Variants in ALK observed in about 807,000 individuals in gnomAD.
ALK encodes the protein ALK receptor tyrosine kinase.
ALK carries 74 observed loss-of-function variants against 163.1 expected under a neutral mutation model. That is an observed-to-expected ratio of 0.45 (90% CI 0.38 to 0.55). The LOEUF (loss-of-function observed/expected upper bound fraction) is 0.55, where lower values mean the gene tolerates loss of function less well. ALK is among the 20% of genes least tolerant of loss of function. ALK has a pLI of 0.00. For synonymous variants in ALK, 960 were observed against 843.2 expected (o/e 1.14, Z -2.40); for missense variants, 2,063 against 2,105.3 (o/e 0.98, Z 0.39).
intron 3 of ALK, among the ~76,000 whole-genome samples, chr2:29,647,560 T>G (rs1360614487): frequency 6.6e-6 from 1 of 152,132 alleles, no homozygotes; most frequent in African/African-American, 2.4e-5. Flanking sequence ...AGCATCTCTA[T>G]TTGAAGCTCT....
intron 1 of ALK, among the ~76,000 whole-genome samples, chr2:29,795,650 C>T (rs922839716): frequency 6.6e-6 from 1 of 152,102 alleles, no homozygotes; most frequent in Non-Finnish European, 1.5e-5. Flanking sequence ...TATTATGTAA[C>T]TTCCAACAAA....
In ALK at chr2:29,501,897, T is replaced by C. The variant is rs552242680; in HGVS notation, c.1154+30018A>G. ...TGGGTAGCTACCATTCTACTTTCTGTCCATATGGTGCCTCACATGAGTGGA... is the reference window on the plus strand; with the variant it reads ...TGGGTAGCTACCATTCTACTTTCTGCCCATATGGTGCCTCACATGAGTGGA... On this transcript the variant is annotated intron_variant, in intron 4 of 28. Transcript: ENST00000389048. 4.6e-5 allele frequency among the ~76,000 whole-genome samples: 7 copies of C among 152,264 alleles called. No homozygotes were observed. In the East Asian group the frequency reaches 7.7e-4, roughly 17 times the overall value.
intron 4 of ALK, among the ~76,000 whole-genome samples, chr2:29,506,378 G>A (rs1672321593): frequency 6.6e-6 from 1 of 152,180 alleles, no homozygotes; most frequent in Non-Finnish European, 1.5e-5. Context: ...TAGAGAATGA[G>A]ACACTCATGA....
chr2:29,277,236 G>A (rs1665570539), intron 9 of ALK, among the ~76,000 whole-genome samples: 2 of 152,214 alleles, frequency 1.3e-5, no homozygotes, highest in Admixed American at 1.3e-4. Context: ...TTGCAGTGAG[G>A]CAGCAAAGCT....
Position 29,574,546 on chromosome 2 carries a change from A to G in ALK, c.953-42430T>C, listed in dbSNP as rs1193390614. Among the ~76,000 whole-genome samples, 3 of 152,352 alleles carry G rather than the reference A, an allele frequency of 2.0e-5. No individual in the cohort carries two copies. The East Asian group carries it at 5.8e-4, about 29-fold the overall frequency. On this transcript the variant is annotated intron_variant, in intron 3 of 28. Coordinates refer to ENST00000389048, the MANE Select transcript of ALK (RefSeq NM_004304.5). ...GTTGAAATGTCTGAGAAAGACTCAT[A>G]TTTCAGCTTCCAAACAGCATCTCTC...
chr2:29,216,057 G>C (rs1048493534), intron 23 of ALK, among the ~76,000 whole-genome samples: 3 of 152,156 alleles, frequency 2.0e-5, no homozygotes, highest in Admixed American at 6.5e-5. Flanking sequence ...AGGGGCAGAG[G>C]GGGTACCTCT....
chr2:29,579,963 G>A (rs906474075), intron 3 of ALK, among the ~76,000 whole-genome samples: 2 of 151,420 alleles, frequency 1.3e-5, no homozygotes, highest in African/African-American at 4.9e-5. Flanking sequence ...TGCTGGGGTT[G>A]GGCTGAGAGG....
intron 3 of ALK, among the ~76,000 whole-genome samples, chr2:29,651,822 A>C (rs1343373540): frequency 4.6e-5 from 7 of 152,176 alleles, no homozygotes; most frequent in African/African-American, 1.7e-4. Context: ...CTCTCCTTGC[A>C]TTGCAATTGA....
intron 2 of ALK, 73 bp downstream of exon 2, chr2:29,717,505 A>G: frequency 6.3e-7 from 1 of 1,586,306 alleles, no homozygotes; most frequent in Non-Finnish European, 8.7e-7. Flanking sequence ...ATGAATCCCA[A>G]ACTGAAACTC....
intron 5 of ALK, among the ~76,000 whole-genome samples, chr2:29,367,017 C>T (rs763867877): frequency 9.9e-5 from 15 of 152,150 alleles, no homozygotes; most frequent in Non-Finnish European, 1.6e-4. Flanking sequence ...TTTTCAAACA[C>T]GCCGCTTCCC....
intron 3 of ALK, among the ~76,000 whole-genome samples, chr2:29,683,990 T>C (rs999021138): frequency 6.6e-6 from 1 of 152,210 alleles, no homozygotes. Flanking sequence ...GTTGAACCAG[T>C]CTTTCTCTAT....
intron 1 of ALK, among the ~76,000 whole-genome samples, chr2:29,846,541 A>C (rs1665848858): frequency 6.6e-6 from 1 of 152,174 alleles, no homozygotes. Flanking sequence ...GAATGCTCTC[A>C]ATGAGTTCTT....
intron 4 of ALK, among the ~76,000 whole-genome samples, chr2:29,400,456 C>T (rs1669416286): frequency 6.6e-6 from 1 of 152,154 alleles, no homozygotes. Flanking sequence ...GCAGACATCC[C>T]TTATGTTACC....
intron 1 of ALK, among the ~76,000 whole-genome samples, chr2:29,830,604 C>T (rs905092908): frequency 2.7e-5 from 4 of 150,676 alleles, no homozygotes; most frequent in South Asian, 4.2e-4. Flanking sequence ...CATGGTGGCT[C>T]GTACCTGTAA....
In ALK at chr2:29,856,173, A is replaced by C. The variant is rs191188992; in HGVS notation, c.667+63820T>G. ...CTCATAACTCTAAGTTTCAGAAAAA[A>C]CTTGGGGTTGAATTTTAGCTCTCTT... On this transcript the variant is annotated intron_variant, in intron 1 of 28. Coordinates refer to ENST00000389048, the MANE Select transcript of ALK (RefSeq NM_004304.5). Among the ~76,000 whole-genome samples, 8 of 152,248 alleles carry C rather than the reference A, an allele frequency of 5.3e-5. No homozygotes were observed. In the East Asian group the frequency reaches 1.5e-3, roughly 29 times the overall value.
intron 3 of ALK, among the ~76,000 whole-genome samples, chr2:29,544,688 A>C (rs1324834685): frequency 6.6e-6 from 1 of 151,660 alleles, no homozygotes; most frequent in Non-Finnish European, 1.5e-5. Flanking sequence ...TGCTTGTCTG[A>C]CTTTCAAACT....
intron 3 of ALK, among the ~76,000 whole-genome samples, chr2:29,565,783 C>T (rs189726046): frequency 6.6e-6 from 1 of 152,268 alleles, no homozygotes; most frequent in Admixed American, 6.5e-5. Context: ...TTGTTCCTCT[C>T]AACATAAACT....
At chr2:29,750,161 T>G (rs1680316387) in intron 1 of ALK, among the ~76,000 whole-genome samples, 1 of 152,298 alleles carries the variant, frequency 6.6e-6, no homozygotes, top group East Asian at 1.9e-4. Context: ...TTCTAAGAAA[T>G]GCATCATTAG....
At chr2:29,240,967 C>T (rs1340557736) in intron 12 of ALK, among the ~76,000 whole-genome samples, 1 of 152,210 alleles carries the variant, frequency 6.6e-6, no homozygotes, top group Non-Finnish European at 1.5e-5. Flanking sequence ...GTCCCTTCTT[C>T]CAAGTGTGTG....
Sources: allele counts gnomAD v4.1 joint callset (sites outside exome capture counted in the v4.1 genomes callset), GRCh38; gene constraint gnomAD v4.1.1; transcripts MANE v1.5; gene names NCBI Gene and HGNC (gene_info 2026-07-23, HGNC 2026-07-21).